CTSD: variants seen among roughly 807,000 people sequenced by gnomAD.
CTSD encodes the protein cathepsin D, also known as ceroid-lipofuscinosis, neuronal 10.
A neutral mutation model predicts 43.6 loss-of-function variants in CTSD; 28 were observed. The observed-to-expected ratio is 0.64, with a 90% CI of 0.48 to 0.88. The LOEUF is 0.88. Ranked by LOEUF, CTSD falls within the 40% of genes least tolerant of loss-of-function variation. The pLI is 0.00. For synonymous variants in CTSD, 270 were observed against 249.8 expected (o/e 1.08, Z -0.76); for missense variants, 485 against 555.2 (o/e 0.87, Z 1.27).
At chr11:1,754,521 TG>T (rs1427126012) in intron 6 of CTSD, among the ~76,000 whole-genome samples, 8 of 22,132 alleles carry the variant, frequency 3.6e-4, no homozygotes, top group South Asian at 1.9e-3. Flanking sequence ...GATGGAGGGA[TG>T]GAGGGGATGG....
chr11:1,752,889 A>G lies in CTSD; in HGVS notation c.*614T>C, dbSNP rs992445497. ...CAATCCCAACCCCACCTCCAGGCCAATACATGCCCCTGGGACTGGCTCAGT... is the reference window on the plus strand; with the variant it reads ...CAATCCCAACCCCACCTCCAGGCCAGTACATGCCCCTGGGACTGGCTCAGT... On this transcript the variant is annotated 3_prime_UTR_variant, in exon 9 of 9. Transcript: ENST00000236671. 6.1e-6 allele frequency: 1 copy of G among 164,020 alleles called. No homozygotes were observed. The highest frequency in any genetic ancestry group is 2.4e-5 in the African/African-American group (1 of 41,602). The allele number at this position is 164,020 out of a possible 1,614,324, so 10.2% of individuals were successfully genotyped here.
chr11:1,757,913 T>C (rs1845829571), intron 4 of CTSD: 2 of 357,298 alleles, frequency 5.6e-6, no homozygotes, highest in Middle Eastern at 8.8e-4. Context: ...AGACACAGCC[T>C]GGGCCAGGAG....
Position 1,753,019 on chromosome 11 carries a change from C to T in CTSD, c.*484G>A, listed in dbSNP as rs1321754664. On this transcript the variant is annotated 3_prime_UTR_variant, in exon 9 of 9. Coordinates refer to ENST00000236671, the MANE Select transcript of CTSD (RefSeq NM_001909.5). ...GGCCTCATCCTCAACGGGCCCGGGACACTGAACAGGTAGGGTGGCAGAGCC... is the reference window on the plus strand; with the variant it reads ...GGCCTCATCCTCAACGGGCCCGGGATACTGAACAGGTAGGGTGGCAGAGCC... 8 of 263,318 alleles carry T rather than the reference C, an allele frequency of 3.0e-5. No homozygotes were observed. The East Asian group carries it at 8.4e-4, about 28-fold the overall frequency. 16.3% of individuals were successfully genotyped at this position (263,318 alleles called of 1,614,324 possible).
chr11:1,757,286 C>G, intron 5 of CTSD, 38 bp downstream of exon 5: 3 of 1,564,514 alleles, frequency 1.9e-6, no homozygotes, highest in Non-Finnish European at 2.6e-6. Context: ...CGCCCTGCCT[C>G]CCAGCAACGC....
chr11:1,758,889 C>T (rs1845840640), intron 4 of CTSD, 80 bp downstream of exon 4: 3 of 1,082,428 alleles, frequency 2.8e-6, no homozygotes, highest in Non-Finnish European at 4.3e-6. Context: ...CGAGCCCTCC[C>T]TTTCAACCAC....
Position 1,763,852 on chromosome 11 carries a change from G to C in CTSD, c.8C>G (p.Pro3Arg), listed in dbSNP as rs757712173. ...GAGGGCGAGCGGCAGAAGGCTGGAGGGCTGCATGGCGGCGGCGGCCGGGTC... is the reference window on the plus strand; with the variant it reads ...GAGGGCGAGCGGCAGAAGGCTGGAGCGCTGCATGGCGGCGGCGGCCGGGTC... MQ[P>R]SSLLPLALCL... The change falls in exon 1 of 9, where the codon CCC (proline) becomes CGC (arginine). Residue 3 changes from proline (P) to arginine (R), a missense_variant. Transcript: ENST00000236671. 7 of 1,524,822 alleles carry C rather than the reference G, an allele frequency of 4.6e-6. No individual in the cohort carries two copies. The South Asian group carries it at 8.5e-5, about 18-fold the overall frequency. The allele number at this position is 1,524,822 out of a possible 1,614,324, so 94.5% of individuals were successfully genotyped here. A position where few individuals can be genotyped will look rare whatever the true frequency, so the allele number is the denominator to read the frequency against.
intron 4 of CTSD, 117 bp from the exon 5 acceptor site, chr11:1,757,673 AGAGGGC>A: frequency 2.3e-6 from 2 of 851,740 alleles, no homozygotes; most frequent in Non-Finnish European, 3.8e-6. Flanking sequence ...GATGGGGCCC[AGAGGGC>A]CCAGAAGAAA....
rs202073338 is a variant in CTSD, at chr11:1,753,580, C to T, written c.1162G>A (p.Val388Ile). 2.1e-4 allele frequency: 342 copies of T among 1,612,984 alleles called. No individual in the cohort carries two copies. The highest frequency in any genetic ancestry group is 2.8e-4 in the Admixed American group (17 of 60,010). ...PSGPLWILGD[V>I]FIGRYYTVFD... ...ACAGTGTAGTAGCGGCCGATGAAGACGTCGCCCAGGATCCAGAGTGGCCCG... is the reference window on the plus strand; with the variant it reads ...ACAGTGTAGTAGCGGCCGATGAAGATGTCGCCCAGGATCCAGAGTGGCCCG... The change falls in exon 9 of 9, where the codon GTC (valine) becomes ATC (isoleucine). Residue 388 changes from valine (V) to isoleucine (I), a missense_variant. Coordinates refer to ENST00000236671, the MANE Select transcript of CTSD (RefSeq NM_001909.5).
chr11:1,759,029 C>T lies in CTSD; in HGVS notation c.411G>A (p.Ser137=), dbSNP rs372999684. The T allele has an allele frequency of 7.3e-5, 118 of 1,614,044 alleles. No homozygotes were observed. Among genetic ancestry groups the T allele is most frequent in the Middle Eastern group, 1.6e-4 (1 of 6,084 alleles). ...TGCCCGAGCCATAGTGGATGTCAAA[C>T]GAGGTACCATTCTTCACGTAGGTGC... ...KSSTYVKNGT[S]FDIHYGSGSL... is the part of the protein sequence containing the mutation. Residue 137 remains serine, a synonymous_variant, in exon 4 of 9, where the codon TCG becomes TCA. Transcript: ENST00000236671.
In CTSD at chr11:1,761,899, T is replaced by A. The variant is rs1038243381; in HGVS notation, c.69-431A>T. 1.0e-5 allele frequency: 3 copies of A among 300,428 alleles called. No individual in the cohort carries two copies. The Admixed American group carries it at 1.3e-4, about 13-fold the overall frequency. The allele number at this position is 300,428 out of a possible 1,614,324, so 18.6% of individuals were successfully genotyped here. ...CCTGTCACTCCTGCCCAAAGTGCTC[T>A]GAGGCAGCCCACTGTACCCAGCCCC... On this transcript the variant is annotated intron_variant, in intron 1 of 8. Transcript: ENST00000236671.
intron 5 of CTSD, among the ~76,000 whole-genome samples, chr11:1,755,935 C>T (rs1324913197): frequency 6.6e-6 from 1 of 152,162 alleles, no homozygotes; most frequent in East Asian, 1.9e-4. Flanking sequence ...TTCAGAAGCC[C>T]TCAGACCCTC....
Position 1,753,482 on chromosome 11 carries a change from G to T in CTSD, c.*21C>A. Reference sequence around the variant, plus strand: ...TGGGACTCTCCTCTGTTTCTGTGCTGGCGCGCGGACGCCTTGGGAACTAGA... The same window carrying T: ...TGGGACTCTCCTCTGTTTCTGTGCTTGCGCGCGGACGCCTTGGGAACTAGA... On this transcript the variant is annotated 3_prime_UTR_variant, in exon 9 of 9. Coordinates refer to ENST00000236671, the MANE Select transcript of CTSD (RefSeq NM_001909.5). The T allele has an allele frequency of 2.5e-6, 4 of 1,612,852 alleles. No individual in the cohort carries two copies. Among genetic ancestry groups the T allele is most frequent in the Non-Finnish European group, 3.4e-6 (4 of 1,179,824 alleles).
In CTSD at chr11:1,757,305, A is replaced by G. The variant is rs1249086897; in HGVS notation, c.704+19T>C. The G allele has an allele frequency of 1.9e-6, 3 of 1,602,632 alleles. No individual in the cohort carries two copies. The highest frequency in any genetic ancestry group is 2.6e-6 in the Non-Finnish European group (3 of 1,170,936). ...CTGCCTCCCAGCAACGCGGAGCGAG[A>G]GGGAACCCACACGCCCACCTGCTCA... On this transcript the variant is annotated intron_variant, in intron 5 of 8. Coordinates refer to ENST00000236671, the MANE Select transcript of CTSD (RefSeq NM_001909.5).
chr11:1,753,282 A>G lies in CTSD; in HGVS notation c.*221T>C. On this transcript the variant is annotated 3_prime_UTR_variant, in exon 9 of 9. Coordinates refer to ENST00000236671, the MANE Select transcript of CTSD (RefSeq NM_001909.5). ...GCTCTGGATCAGCTCTACCCCCACC[A>G]AACAGATGGAGAGACAGACAGGCAG... 1 of 623,384 alleles carries G rather than the reference A, an allele frequency of 1.6e-6. No individual in the cohort carries two copies. Among genetic ancestry groups the G allele is most frequent in the South Asian group, 1.8e-5 (1 of 54,576 alleles). 38.6% of individuals were successfully genotyped at this position (623,384 alleles called of 1,614,324 possible). A position where few individuals can be genotyped will look rare whatever the true frequency, so the allele number is the denominator to read the frequency against.
intron 4 of CTSD, among the ~76,000 whole-genome samples, 186 bp from the exon 5 acceptor site, chr11:1,757,742 C>T (rs935921978): frequency 4.6e-5 from 7 of 152,308 alleles, no homozygotes; most frequent in Non-Finnish European, 2.9e-5. Flanking sequence ...CGGGGTATGG[C>T]GGGGCCCTCT....
At position 1,753,840 on chromosome 11, in the gene CTSD, T is replaced by C. The variant is rs1845759906; in HGVS notation, c.1034A>G (p.Lys345Arg). Residue 345 changes from lysine (K) to arginine (R), a missense_variant, in exon 8 of 9, where the codon AAA becomes AGA. Transcript: ENST00000236671. The part of the protein sequence containing the change: ...LPAITLKLGG[K>R]GYKLSPEDYT... Reference sequence around the variant, plus strand: ...GTCCTCTGGGGACAGCTTGTAGCCTTTGCCTCCCAGCTTCAGTGTGATCGC... The same window carrying C: ...GTCCTCTGGGGACAGCTTGTAGCCTCTGCCTCCCAGCTTCAGTGTGATCGC... The C allele has an allele frequency of 6.2e-7, 1 of 1,613,580 alleles. No homozygotes were observed. The highest frequency in any genetic ancestry group is 8.5e-7 in the Non-Finnish European group (1 of 1,179,730).
Position 1,753,962 on chromosome 11 carries a change from C to T in CTSD, c.972+32G>A, listed in dbSNP as rs369445669. 224 of 1,594,972 alleles carry T rather than the reference C, an allele frequency of 1.4e-4. 1 individual carries two copies. In the African/African-American group the frequency reaches 2.4e-3, roughly 17 times the overall value. On this transcript the variant is annotated intron_variant, in intron 7 of 8. Coordinates refer to ENST00000236671, the MANE Select transcript of CTSD (RefSeq NM_001909.5). ...GTGGCCTTGGGGCTCCCCCTGCCAG[C>T]CCCAGCCCCAGCCCCAGCCCCCGGC...
intron 4 of CTSD, chr11:1,757,890 A>T: frequency 4.9e-6 from 2 of 409,282 alleles, no homozygotes; most frequent in South Asian, 4.4e-5. Context: ...TCCTGCCCTC[A>T]GCGCTGGGAA....
chr11:1,755,716 C>T lies in CTSD; in HGVS notation c.705-688G>A, dbSNP rs192483561. ...CTGTGTCTGGGGCGGTTCTGCCATCCCGCCAGAGCGTCTGCAGCTAAGCTG... is the reference window on the plus strand; with the variant it reads ...CTGTGTCTGGGGCGGTTCTGCCATCTCGCCAGAGCGTCTGCAGCTAAGCTG... On this transcript the variant is annotated intron_variant, in intron 5 of 8. Coordinates refer to ENST00000236671, the MANE Select transcript of CTSD (RefSeq NM_001909.5). Among the ~76,000 whole-genome samples the T allele has an allele frequency of 4.7e-3, 715 of 152,294 alleles. 3 individuals carry two copies. The highest frequency in any genetic ancestry group is 0.016 in the African/African-American group (667 of 41,546).
Sources: allele counts gnomAD v4.1 joint callset (sites outside exome capture counted in the v4.1 genomes callset), GRCh38; gene constraint gnomAD v4.1.1; transcripts MANE v1.5; gene names NCBI Gene and HGNC (gene_info 2026-07-23, HGNC 2026-07-21).